Variants in PCOLCE2 observed in about 807,000 individuals in gnomAD.
PCOLCE2 encodes the protein procollagen C-endopeptidase enhancer 2, also known as procollagen C-proteinase enhancer 2.
PCOLCE2 carries 42 observed loss-of-function variants against 47.0 expected under a neutral mutation model. That is an observed-to-expected ratio of 0.89 (90% CI 0.70 to 1.16). PCOLCE2 has a LOEUF of 1.16. Among genes scored for constraint, PCOLCE2 ranks in the 50% most tolerant of loss-of-function variants. PCOLCE2 has a pLI of 0.00. For synonymous variants in PCOLCE2, 169 were observed against 191.7 expected (o/e 0.88, Z 0.98); for missense variants, 500 against 526.1 (o/e 0.95, Z 0.49).
intron 5 of PCOLCE2, among the ~76,000 whole-genome samples, chr3:142,834,066 C>T (rs1380357575): frequency 6.6e-6 from 1 of 152,134 alleles, no homozygotes; most frequent in East Asian, 1.9e-4. Context: ...CCTTTTCCTG[C>T]TGACTGATGG....
intron 3 of PCOLCE2, 27 bp downstream of exon 3, chr3:142,848,190 G>A (rs1044422530): frequency 3.7e-6 from 6 of 1,606,622 alleles, no homozygotes; most frequent in Non-Finnish European, 5.1e-6. Flanking sequence ...CATTACTGTT[G>A]TTATTGCCAT....
At chr3:142,887,595 G>A (rs1214198161) in intron 2 of PCOLCE2, 74 bp downstream of exon 2, 2 of 765,384 alleles carry the variant, frequency 2.6e-6, no homozygotes, top group Non-Finnish European at 4.6e-6. Context: ...CCTAACACCA[G>A]AGGAAAAAGG....
At position 142,818,238 on chromosome 3, in the gene PCOLCE2, G is replaced by A; in HGVS notation, c.*97C>T. The A allele has an allele frequency of 1.7e-6, 2 of 1,191,532 alleles. No individual in the cohort carries two copies. Among genetic ancestry groups the A allele is most frequent in the Non-Finnish European group, 2.4e-6 (2 of 822,956 alleles). 73.8% of individuals were successfully genotyped at this position (1,191,532 alleles called of 1,614,324 possible). On this transcript the variant is annotated 3_prime_UTR_variant, in exon 9 of 9. Transcript: ENST00000295992. ...TCCCATCTTTCGGAATCCTCTTTCA[G>A]AATATGTAATTTTATAAGTATTTTT...
At chr3:142,851,822 T>C (rs536328362) in intron 2 of PCOLCE2, among the ~76,000 whole-genome samples, 1 of 152,282 alleles carries the variant, frequency 6.6e-6, no homozygotes, top group East Asian at 1.9e-4. Context: ...TCATGTTTCA[T>C]TGGCAGGTTC....
chr3:142,855,932 A>G (rs1560136659), intron 2 of PCOLCE2, among the ~76,000 whole-genome samples: 1 of 152,224 alleles, frequency 6.6e-6, no homozygotes, highest in Admixed American at 6.5e-5. Flanking sequence ...GTTGTTTGTT[A>G]GAGCAGTTTT....
chr3:142,868,818 C>T (rs1481350472), intron 2 of PCOLCE2, among the ~76,000 whole-genome samples: 1 of 152,198 alleles, frequency 6.6e-6, no homozygotes, highest in African/African-American at 2.4e-5. Flanking sequence ...ATTGCTCCAT[C>T]TGTAAGGGCG....
At chr3:142,862,139 T>C (rs1933192437) in intron 2 of PCOLCE2, among the ~76,000 whole-genome samples, 1 of 151,906 alleles carries the variant, frequency 6.6e-6, no homozygotes, top group Admixed American at 6.6e-5. Flanking sequence ...GGTGGGGAGG[T>C]AGAAGAGAGA....
intron 3 of PCOLCE2, among the ~76,000 whole-genome samples, chr3:142,843,615 T>G (rs1368259945): frequency 7.2e-5 from 11 of 151,994 alleles, no homozygotes; most frequent in Non-Finnish European, 1.5e-5. Flanking sequence ...AAATCCCCAG[T>G]TTTAGCCACC....
chr3:142,827,034 T>C, intron 6 of PCOLCE2: 3 of 848,958 alleles, frequency 3.5e-6, no homozygotes, highest in Non-Finnish European at 5.8e-6. Flanking sequence ...TTCAACTATC[T>C]ATATATTGAT....
chr3:142,886,134 T>A (rs1158592471), intron 2 of PCOLCE2, among the ~76,000 whole-genome samples: 1 of 152,160 alleles, frequency 6.6e-6, no homozygotes, highest in African/African-American at 2.4e-5. Context: ...AGATGGAGCA[T>A]CCATTTAACT....
intron 8 of PCOLCE2, among the ~76,000 whole-genome samples, chr3:142,820,408 T>A (rs2108181842): frequency 6.6e-6 from 1 of 152,332 alleles, no homozygotes; most frequent in East Asian, 1.9e-4. Context: ...CTGGAGTAAC[T>A]TTCCGTTTTT....
At chr3:142,885,168 A>C (rs1043381855) in intron 2 of PCOLCE2, among the ~76,000 whole-genome samples, 4 of 152,264 alleles carry the variant, frequency 2.6e-5, no homozygotes, top group African/African-American at 9.6e-5. Flanking sequence ...AGTTAAAATC[A>C]GACATTTCCC....
rs183315705 is a variant in PCOLCE2, at chr3:142,824,457, C to T, written c.866-842G>A. Among the ~76,000 whole-genome samples the T allele has an allele frequency of 2.6e-4, 39 of 152,210 alleles. No homozygotes were observed. In the East Asian group the frequency reaches 6.6e-3, roughly 26 times the overall value. On this transcript the variant is annotated intron_variant, in intron 6 of 8. Transcript: ENST00000295992. ...GTTAACAACGTGAAAATAGTTCATC[C>T]TCATAATCATCTTAAGAATGTTTCA... is the stretch of plus-strand genomic sequence containing the variant.
intron 2 of PCOLCE2, chr3:142,864,027 T>C (rs1933232640): frequency 6.6e-6 from 1 of 151,792 alleles, no homozygotes; most frequent in Admixed American, 6.6e-5. Flanking sequence ...AACAAGACAC[T>C]AGTAGACAAG....
intron 5 of PCOLCE2, among the ~76,000 whole-genome samples, chr3:142,831,103 G>T (rs1359632573): frequency 1.3e-5 from 2 of 152,224 alleles, no homozygotes; most frequent in Non-Finnish European, 2.9e-5. Context: ...AGTTTACTAT[G>T]GGTTGAATAT....
At chr3:142,865,234 A>T (rs561235709) in intron 2 of PCOLCE2, among the ~76,000 whole-genome samples, 1 of 152,080 alleles carries the variant, frequency 6.6e-6, no homozygotes, top group Admixed American at 6.5e-5. Context: ...TTCTCTAATG[A>T]CCAATGATGT....
chr3:142,818,509 CAT>C, intron 8 of PCOLCE2, 44 bp from the exon 9 acceptor site: 1 of 1,485,898 alleles, frequency 6.7e-7, no homozygotes, highest in Non-Finnish European at 9.4e-7. Flanking sequence ...CTCTATGTAT[CAT>C]GTGTGAAACA....
chr3:142,840,871 C>A (rs1036345838), intron 4 of PCOLCE2, among the ~76,000 whole-genome samples: 1 of 151,978 alleles, frequency 6.6e-6, no homozygotes, highest in African/African-American at 2.4e-5. Flanking sequence ...GTCAGGAGAT[C>A]GAGACCATTC....
rs142161738 is a variant in PCOLCE2 at position 142,830,175 on chromosome 3, C to T, written c.711-329G>A. On this transcript the variant is annotated intron_variant, in intron 5 of 8. Transcript: ENST00000295992. ...AGCTAGTATGTTGGGAGAGTCAGAA[C>T]TTGAACCCAGGACCAGATAACTCTA... Among the ~76,000 whole-genome samples the T allele has an allele frequency of 2.6e-3, 390 of 152,306 alleles. 4 individuals carry two copies. The highest frequency in any genetic ancestry group is 9.0e-3 in the African/African-American group (373 of 41,560).
Sources: allele counts gnomAD v4.1 joint callset (sites outside exome capture counted in the v4.1 genomes callset), GRCh38; gene constraint gnomAD v4.1.1; transcripts MANE v1.5; gene names NCBI Gene and HGNC (gene_info 2026-07-23, HGNC 2026-07-21).